Variants in MEIKIN observed in about 807,000 individuals in gnomAD.
MEIKIN encodes meiosis-specific kinetochore protein.
chr5:131,942,601 G>C (rs1020378659), intron 4 of MEIKIN, 34 bp downstream of exon 4: 6 of 398,120 alleles, frequency 1.5e-5, no homozygotes, highest in African/African-American at 1.0e-4. Flanking sequence ...AGGAAAAACA[G>C]AAAGCTGAGG....
chr5:131,833,120 G>A (rs921664346), intron 11 of MEIKIN, among the ~76,000 whole-genome samples: 5 of 152,066 alleles, frequency 3.3e-5, no homozygotes, highest in South Asian at 2.1e-4. Context: ...CTTTTATGCC[G>A]TTTCTCTTTT....
rs932403485 is a variant in MEIKIN, at chr5:131,814,640, TA to T, written c.1099+4099del. 3.8e-4 allele frequency among the ~76,000 whole-genome samples: 58 copies of T among 152,308 alleles called. No individual in the cohort carries two copies. In the Middle Eastern group the frequency reaches 0.01, roughly 27 times the overall value. Reference sequence around the variant, plus strand: ...GAAAAGAAAAGAAGGATGTATGCCATAAAATTCTCACCAAAGGTGATCTTAG... The same window carrying T: ...GAAAAGAAAAGAAGGATGTATGCCATAAATTCTCACCAAAGGTGATCTTAG... On this transcript the variant is annotated intron_variant, in intron 12 of 12. Coordinates refer to ENST00000442687, the MANE Select transcript of MEIKIN (RefSeq NM_001303622.2).
intron 11 of MEIKIN, among the ~76,000 whole-genome samples, chr5:131,827,768 C>T (rs1332258177): frequency 2.0e-5 from 3 of 152,114 alleles, no homozygotes; most frequent in South Asian, 2.1e-4. Flanking sequence ...AATCTACCAT[C>T]GTAATAGTGG....
intron 9 of MEIKIN, among the ~76,000 whole-genome samples, chr5:131,858,652 C>G (rs994002028): frequency 1.3e-5 from 2 of 152,124 alleles, no homozygotes; most frequent in Admixed American, 6.6e-5. Context: ...AGACAACCTA[C>G]AAAATGGGAG....
chr5:131,843,405 C>T (rs1330916185), intron 11 of MEIKIN, among the ~76,000 whole-genome samples: 2 of 152,224 alleles, frequency 1.3e-5, no homozygotes, highest in Admixed American at 6.5e-5. Context: ...TACTTTTATG[C>T]TCTTCTTCCT....
chr5:131,881,212 A>G (rs1198021813), intron 8 of MEIKIN, among the ~76,000 whole-genome samples: 1 of 152,244 alleles, frequency 6.6e-6, no homozygotes, highest in Admixed American at 6.5e-5. Flanking sequence ...CATGGAGGAT[A>G]ATAGTGTAGG....
At chr5:131,917,994 C>CATCT (rs1393601715) in intron 6 of MEIKIN, among the ~76,000 whole-genome samples, 1 of 152,150 alleles carries the variant, frequency 6.6e-6, no homozygotes, top group Non-Finnish European at 1.5e-5. Context: ...GAGAGCCCTG[C>CATCT]ATCTCGCTGG....
chr5:131,881,198 C>A (rs1750698306), intron 8 of MEIKIN, among the ~76,000 whole-genome samples: 3 of 152,198 alleles, frequency 2.0e-5, no homozygotes, highest in Admixed American at 6.5e-5. Context: ...CATCTGTTAA[C>A]CAACATGGAG....
intron 9 of MEIKIN, among the ~76,000 whole-genome samples, chr5:131,875,353 G>C (rs1454675701): frequency 6.6e-6 from 1 of 152,110 alleles, no homozygotes; most frequent in Non-Finnish European, 1.5e-5. Flanking sequence ...ACCAATAACA[G>C]AGAAACAGAG....
At chr5:131,933,884 TTTA>T (rs972565005) in intron 4 of MEIKIN, among the ~76,000 whole-genome samples, 10 of 152,188 alleles carry the variant, frequency 6.6e-5, no homozygotes, top group African/African-American at 2.4e-4. Flanking sequence ...TTTTCAAAGT[TTTA>T]CAACTTACTC....
chr5:131,895,889 G>T (rs933502945), intron 8 of MEIKIN, among the ~76,000 whole-genome samples: 2 of 152,114 alleles, frequency 1.3e-5, no homozygotes, highest in Non-Finnish European at 2.9e-5. Flanking sequence ...ATCTCCTTCA[G>T]TTCTGCTCTG....
chr5:131,843,797 G>C (rs535902268), intron 11 of MEIKIN, among the ~76,000 whole-genome samples: 1 of 152,202 alleles, frequency 6.6e-6, no homozygotes, highest in African/African-American at 2.4e-5. Flanking sequence ...CCTCCAAACT[G>C]TTTCAGTCTC....
chr5:131,831,437 G>T (rs913119475), intron 11 of MEIKIN, among the ~76,000 whole-genome samples: 1 of 152,146 alleles, frequency 6.6e-6, no homozygotes, highest in Admixed American at 6.5e-5. Context: ...CATGCTTGTA[G>T]TCCTAGCTAC....
intron 12 of MEIKIN, among the ~76,000 whole-genome samples, chr5:131,809,573 C>T (rs1772913312): frequency 6.6e-6 from 1 of 152,170 alleles, no homozygotes; most frequent in South Asian, 2.1e-4. Flanking sequence ...CTTTGGGAGG[C>T]TGAGGCAGGT....
intron 4 of MEIKIN, among the ~76,000 whole-genome samples, chr5:131,938,164 C>T (rs903083974): frequency 2.8e-5 from 4 of 144,480 alleles, no homozygotes; most frequent in African/African-American, 1.0e-4. Context: ...CCCCTCACCC[C>T]CTTTTTTTTT....
At chr5:131,844,537 T>C (rs1014023521) in intron 11 of MEIKIN, among the ~76,000 whole-genome samples, 1 of 152,068 alleles carries the variant, frequency 6.6e-6, no homozygotes, top group Non-Finnish European at 1.5e-5. Context: ...AATGACTTAG[T>C]TTATAGGGCG....
intron 9 of MEIKIN, among the ~76,000 whole-genome samples, chr5:131,864,325 G>A (rs1222495909): frequency 6.6e-6 from 1 of 152,034 alleles, no homozygotes; most frequent in Non-Finnish European, 1.5e-5. Context: ...TTGTGTGTTT[G>A]CTTTACTTGT....
intron 11 of MEIKIN, among the ~76,000 whole-genome samples, chr5:131,824,374 G>C (rs1749573227): frequency 2.6e-5 from 4 of 151,334 alleles, no homozygotes; most frequent in Admixed American, 2.0e-4. Flanking sequence ...AGAAAACTTA[G>C]CCAGGTGTGG....
chr5:131,910,082 A>G (rs765514870), intron 8 of MEIKIN, among the ~76,000 whole-genome samples: 7 of 152,130 alleles, frequency 4.6e-5, no homozygotes, highest in South Asian at 4.1e-4. Flanking sequence ...ATACGCAAAC[A>G]AAAGGAAATC....
Sources: gnomAD v4.1 joint callset for allele counts (sites outside exome capture counted in the v4.1 genomes callset) on GRCh38, gnomAD v4.1.1 for gene constraint, MANE v1.5 for transcripts, NCBI Gene and HGNC (gene_info 2026-07-23, HGNC 2026-07-21) for gene names.